Variants in CYP4F12 observed in about 807,000 individuals in gnomAD.
CYP4F12 encodes the protein cytochrome P450 4F12.
A neutral mutation model predicts 56.5 loss-of-function variants in CYP4F12; 60 were observed. The ratio of observed to expected loss-of-function variants is 1.06; its 90% CI spans 0.86 to 1.32. The LOEUF (loss-of-function observed/expected upper bound fraction) is 1.32, where lower values mean the gene tolerates loss of function less well. Among genes scored for constraint, CYP4F12 ranks in the 40% most tolerant of loss-of-function variants. The pLI is 0.00. For missense variants in CYP4F12, 711 were observed against 683.5 expected, an observed-to-expected ratio of 1.04 and a Z score of -0.45; for synonymous variants, 263 against 264.9, an observed-to-expected ratio of 0.99 and a Z score of 0.07.
chr19:15,677,692 C>T (rs374750007), intron 2 of CYP4F12, among the ~76,000 whole-genome samples: 995 of 2,386 alleles, frequency 0.42, 427 homozygotes, highest in Middle Eastern at 1. Context: ...TCATTCCTCT[C>T]CTCCCTCACT....
At chr19:15,693,453 CCTGA>C (rs2007969572) in intron 9 of CYP4F12, among the ~76,000 whole-genome samples, 2 of 152,154 alleles carry the variant, frequency 1.3e-5, no homozygotes, top group Non-Finnish European at 2.9e-5. Flanking sequence ...TTTCAAATTG[CCTGA>C]CTCTCGTGTT....
At chr19:15,680,568 A>C (rs1488238229) in intron 5 of CYP4F12, 49 bp downstream of exon 5, 4 of 1,613,400 alleles carry the variant, frequency 2.5e-6, no homozygotes, top group Non-Finnish European at 3.4e-6. Context: ...GGGTGGAGGG[A>C]CCATGGACAC....
intron 5 of CYP4F12, chr19:15,681,827 T>C (rs894488397): frequency 6.6e-6 from 1 of 152,626 alleles, no homozygotes; most frequent in Non-Finnish European, 1.5e-5. Flanking sequence ...AATGAATTTA[T>C]TACAATGGAG....
intron 3 of CYP4F12, 50 bp downstream of exon 3, chr19:15,678,455 G>C: frequency 6.2e-7 from 1 of 1,610,206 alleles, no homozygotes. Context: ...GCTTCTGTGT[G>C]GTCTCTGCAG....
At chr19:15,689,143 A>AATAATAATAATCATCATCATCATCATC (rs146012868) in intron 9 of CYP4F12, among the ~76,000 whole-genome samples, 54 of 150,760 alleles carry the variant, frequency 3.6e-4, no homozygotes, top group Non-Finnish European at 4.4e-4. Context: ...TAATAATAAT[A>AATAATAATAATCATCATCATCATCATC]ATAGCCGACT....
intron 5 of CYP4F12, chr19:15,680,987 T>A (rs535883807): frequency 1.1e-5 from 3 of 276,378 alleles, no homozygotes; most frequent in Admixed American, 5.0e-5. Flanking sequence ...GGGGCTTCAG[T>A]ACCTTCAGAC....
Position 15,686,099 on chromosome 19 carries a change from A to T in CYP4F12, c.1115+902A>T, listed in dbSNP as rs1049957906. Among the ~76,000 whole-genome samples, 6 of 152,318 alleles carry T rather than the reference A, an allele frequency of 3.9e-5. No individual in the cohort carries two copies. The East Asian group carries it at 1.2e-3, about 29-fold the overall frequency. On this transcript the variant is annotated intron_variant, in intron 9 of 12. Coordinates refer to ENST00000550308, the MANE Select transcript of CYP4F12 (RefSeq NM_023944.4). ...CCCCCACAAGACATTCCCAGTCCAC[A>T]TAGGCAAGGATGGAGTTGAGAGCAA...
chr19:15,681,930 C>T (rs1392186397), intron 5 of CYP4F12: 1 of 154,708 alleles, frequency 6.5e-6, no homozygotes, highest in Non-Finnish European at 1.4e-5. Flanking sequence ...TTTAATAATC[C>T]TGTGAGGTTA....
At chr19:15,683,958 A>G (rs1599969148) in intron 7 of CYP4F12, 195 bp downstream of exon 7, 1 of 550,210 alleles carries the variant, frequency 1.8e-6, no homozygotes, top group East Asian at 3.3e-5. Context: ...TGAAACTGTG[A>G]GGAGCATGAT....
chr19:15,674,225 A>G, intron 2 of CYP4F12, among the ~76,000 whole-genome samples: 1 of 10,220 alleles, frequency 9.8e-5, no homozygotes, highest in Non-Finnish European at 2.0e-4. Context: ...TCAATCCTCT[A>G]CCCACTCACT....
intron 9 of CYP4F12, among the ~76,000 whole-genome samples, chr19:15,689,150 G>A (rs908047138): frequency 1.4e-4 from 12 of 83,398 alleles, no homozygotes; most frequent in African/African-American, 6.1e-4. Context: ...AATAATAGCC[G>A]ACTTAACAGA....
intron 5 of CYP4F12, chr19:15,681,571 C>T (rs2007301805): frequency 6.6e-6 from 1 of 152,222 alleles, no homozygotes; most frequent in African/African-American, 2.4e-5. Context: ...TTAGCCTGCT[C>T]ATGCAGTACA....
Position 15,696,191 on chromosome 19 carries a change from T to C in CYP4F12, c.1280T>C (p.Val427Ala). 3.7e-6 allele frequency: 6 copies of C among 1,614,022 alleles called. No homozygotes were observed. The highest frequency in any genetic ancestry group is 5.1e-6 in the Non-Finnish European group (6 of 1,179,972). The change falls in exon 11 of 13, where the codon GTC becomes GCC. Residue 427 changes from valine to alanine, a missense_variant. By Grantham distance (64) the Val-to-Ala change is moderately conservative (BLOSUM62 0). Coordinates refer to ENST00000550308, the MANE Select transcript of CYP4F12 (RefSeq NM_023944.4). ...ACCTGCCTCATCGATATTATAGGGG[T>C]CCATCACAACCCAACTGTGTGGCCG... ...GITCLIDIIG[V>A]HHNPTVWPDP...
chr19:15,681,706 T>G (rs988961576), intron 5 of CYP4F12: 1 of 152,304 alleles, frequency 6.6e-6, no homozygotes, highest in Non-Finnish European at 1.5e-5. Context: ...CAAATACAAC[T>G]CTGAGAAATG....
At chr19:15,680,338 G>C in intron 4 of CYP4F12, 41 bp downstream of exon 4, 1 of 1,613,460 alleles carries the variant, frequency 6.2e-7, no homozygotes, top group Non-Finnish European at 8.5e-7. Flanking sequence ...ACAACCTTGC[G>C]GGGAGGGTAG....
At position 15,696,070 on chromosome 19, in the gene CYP4F12, G is replaced by C; in HGVS notation, c.1249+1G>C. 2.5e-6 allele frequency: 4 copies of C among 1,613,232 alleles called. No homozygotes were observed. The highest frequency in any genetic ancestry group is 3.4e-6 in the Non-Finnish European group (4 of 1,179,472). Reference sequence around the variant, plus strand: ...CCAGATGGCCGAGTCATCCCCAAAGGTGCCCACAGCCTCAGGGGGAGAAGC... The same window carrying C: ...CCAGATGGCCGAGTCATCCCCAAAGCTGCCCACAGCCTCAGGGGGAGAAGC... On this transcript the variant is annotated splice_donor_variant, in intron 10 of 12. Transcript: ENST00000550308. LOFTEE classifies it high-confidence loss of function.
intron 9 of CYP4F12, among the ~76,000 whole-genome samples, chr19:15,688,341 A>G (rs1388321955): frequency 1.4e-5 from 2 of 145,228 alleles, no homozygotes; most frequent in Non-Finnish European, 3.0e-5. Flanking sequence ...CTCACAGGGC[A>G]AAACAAACAA....
At chr19:15,693,049 GC>G (rs1313737294) in intron 9 of CYP4F12, among the ~76,000 whole-genome samples, 3 of 152,166 alleles carry the variant, frequency 2.0e-5, no homozygotes, top group Admixed American at 2.0e-4. Flanking sequence ...CTGCACTCCA[GC>G]CTGAGCAACA....
intron 2 of CYP4F12, among the ~76,000 whole-genome samples, chr19:15,675,065 T>G (rs1307689133): frequency 2.0e-5 from 3 of 152,200 alleles, no homozygotes; most frequent in South Asian, 2.1e-4. Flanking sequence ...AGAAGAGAAG[T>G]GCAGGCAGTC....
Sources: gnomAD v4.1 joint callset for allele counts (sites outside exome capture counted in the v4.1 genomes callset) on GRCh38, gnomAD v4.1.1 for gene constraint, MANE v1.5 for transcripts, NCBI Gene and HGNC (gene_info 2026-07-23, HGNC 2026-07-21) for gene names.